AGBL1: variants seen among roughly 807,000 people sequenced by gnomAD.
AGBL1 encodes the protein cytosolic carboxypeptidase 4.
A neutral mutation model predicts 118.9 loss-of-function variants in AGBL1; 130 were observed. That is an observed-to-expected ratio of 1.09 (90% CI 0.95 to 1.26). The LOEUF (loss-of-function observed/expected upper bound fraction) is 1.26. Among genes scored for constraint, AGBL1 ranks in the 50% most tolerant of loss-of-function variants. The pLI is 0.00. For missense variants in AGBL1, 1,584 were observed against 1,298.1 expected, an observed-to-expected ratio of 1.22 and a Z score of -3.38; for synonymous variants, 555 against 478.9, an observed-to-expected ratio of 1.16 and a Z score of -2.08.
chr15:86,371,465 CAT>C (rs2080969416), intron 17 of AGBL1, among the ~76,000 whole-genome samples: 2 of 152,204 alleles, frequency 1.3e-5, no homozygotes, highest in South Asian at 2.1e-4. Context: ...TCATATATAT[CAT>C]ATGTTTTTAT....
chr15:86,768,194 G>T (rs1363619639), intron 22 of AGBL1, among the ~76,000 whole-genome samples: 1 of 151,914 alleles, frequency 6.6e-6, no homozygotes, highest in Non-Finnish European at 1.5e-5. Context: ...ATTTTATTCA[G>T]TCTAACTTTA....
intron 6 of AGBL1, 118 bp downstream of exon 6, chr15:86,225,069 T>C (rs2078340431): frequency 4.0e-6 from 4 of 1,007,950 alleles, no homozygotes; most frequent in Non-Finnish European, 4.5e-6. Context: ...TATTTCTCAA[T>C]CACCTATGGC....
At chr15:86,904,464 G>C (rs1397946756) in intron 22 of AGBL1, among the ~76,000 whole-genome samples, 1 of 150,454 alleles carries the variant, frequency 6.6e-6, no homozygotes, top group African/African-American at 2.4e-5. Context: ...TTCCTTATTA[G>C]AATGCTTACA....
In AGBL1 at chr15:86,666,375, G is replaced by T. The variant is rs1286987685; in HGVS notation, c.2995-7898G>T. Among the ~76,000 whole-genome samples the T allele has an allele frequency of 2.0e-5, 3 of 152,034 alleles. No individual in the cohort carries two copies. In the East Asian group the frequency reaches 5.8e-4, roughly 29 times the overall value. On this transcript the variant is annotated intron_variant, in intron 21 of 22. Transcript: ENST00000614907. ...AAATTGATTTTTGTATATTTAATTT[G>T]TAACCTGTCTATTTACTCAATTGTT...
intron 17 of AGBL1, among the ~76,000 whole-genome samples, chr15:86,322,907 G>A (rs1056405982): frequency 2.0e-5 from 3 of 152,126 alleles, no homozygotes; most frequent in Non-Finnish European, 4.4e-5. Context: ...GTTCACTTTT[G>A]TATTACGTTT....
At chr15:86,174,062 T>C (rs970810387) in intron 5 of AGBL1, among the ~76,000 whole-genome samples, 10 of 152,118 alleles carry the variant, frequency 6.6e-5, no homozygotes, top group African/African-American at 2.4e-4. Context: ...ATTTTAACAA[T>C]ATCAATTCTT....
chr15:86,859,365 G>A (rs938712602), intron 22 of AGBL1, among the ~76,000 whole-genome samples: 21 of 152,204 alleles, frequency 1.4e-4, no homozygotes, highest in African/African-American at 5.1e-4. Flanking sequence ...GTGCTAGGGT[G>A]TAAACATGAA....
At chr15:86,401,387 CT>C (rs1360762803) in intron 18 of AGBL1, among the ~76,000 whole-genome samples, 2 of 152,120 alleles carry the variant, frequency 1.3e-5, no homozygotes, top group Non-Finnish European at 2.9e-5. Flanking sequence ...AAAGATTTTT[CT>C]CCCACTCTGT....
At chr15:86,681,288 T>A (rs2085950973) in intron 22 of AGBL1, among the ~76,000 whole-genome samples, 1 of 152,240 alleles carries the variant, frequency 6.6e-6, no homozygotes, top group South Asian at 2.1e-4. Context: ...TTGGTGACTT[T>A]ACATTTAGGT....
intron 18 of AGBL1, among the ~76,000 whole-genome samples, chr15:86,401,297 T>C (rs2081441345): frequency 6.6e-6 from 1 of 152,122 alleles, no homozygotes; most frequent in South Asian, 2.1e-4. Flanking sequence ...CAGTTTTTGA[T>C]GGGATTTTTT....
chr15:86,264,036 C>T (rs2079033044), intron 10 of AGBL1, among the ~76,000 whole-genome samples: 1 of 152,146 alleles, frequency 6.6e-6, no homozygotes, highest in Non-Finnish European at 1.5e-5. Flanking sequence ...TACTGTTTTG[C>T]ATTGGACTAG....
In AGBL1 at chr15:86,404,769, T is replaced by A. The variant is rs115133952; in HGVS notation, c.2555+7223T>A. 4.7e-3 allele frequency among the ~76,000 whole-genome samples: 709 copies of A among 152,314 alleles called. 8 individuals carry two copies. The highest frequency in any genetic ancestry group is 0.016 in the African/African-American group (672 of 41,568). The stretch of plus-strand genomic sequence containing the variant: ...GGAGATGTGATGCTGGGCCTGTAGA[T>A]CACGGCAATGAGCATACTTGCCATG... On this transcript the variant is annotated intron_variant, in intron 18 of 22. Coordinates refer to ENST00000614907, the MANE Select transcript of AGBL1 (RefSeq NM_001386094.1).
At chr15:86,689,142 A>C (rs1413366527) in intron 22 of AGBL1, among the ~76,000 whole-genome samples, 8 of 152,172 alleles carry the variant, frequency 5.3e-5, no homozygotes, top group Non-Finnish European at 7.4e-5. Context: ...CCTGAGACGC[A>C]TCAGTTCTAA....
chr15:86,125,662 A>G (rs1898380365), intron 1 of AGBL1, among the ~76,000 whole-genome samples: 1 of 152,164 alleles, frequency 6.6e-6, no homozygotes, highest in Non-Finnish European at 1.5e-5. Flanking sequence ...CTTTCAATCA[A>G]TAATTTAAAA....
At chr15:86,356,883 T>C (rs866268568) in intron 17 of AGBL1, among the ~76,000 whole-genome samples, 1 of 152,188 alleles carries the variant, frequency 6.6e-6, no homozygotes, top group Non-Finnish European at 1.5e-5. Flanking sequence ...GGTACCAGAA[T>C]TGTCCAACAT....
Position 86,557,807 on chromosome 15 carries a change from A to AAGTG in AGBL1, c.2994+3274_2994+3277dup, listed in dbSNP as rs1310417599. On this transcript the variant is annotated intron_variant, in intron 21 of 22. Transcript: ENST00000614907. The stretch of plus-strand genomic sequence containing the variant: ...GTATTAAAAATGTATGATGGCTGAC[A>AAGTG]AGTGAGTAAGTAAGTGAACAAGTAA... Among the ~76,000 whole-genome samples, 3 of 152,272 alleles carry AAGTG rather than the reference A, an allele frequency of 2.0e-5. No homozygotes were observed. In the East Asian group the frequency reaches 5.8e-4, roughly 29 times the overall value.
At chr15:86,548,658 T>C (rs973931848) in intron 20 of AGBL1, among the ~76,000 whole-genome samples, 2 of 114,678 alleles carry the variant, frequency 1.7e-5, no homozygotes, top group African/African-American at 3.3e-5. Flanking sequence ...CACACACACA[T>C]GCACGCACAC....
chr15:86,196,861 GCACATGTGCGCGCGCGCGCACACA>G lies in AGBL1; in HGVS notation c.489-28048_489-28025del, dbSNP rs1309956599. On this transcript the variant is annotated intron_variant, in intron 5 of 22. Transcript: ENST00000614907. ...CTCCTCTCCCTGCATATGCGAATGT[GCACATGTGCGCGCGCGCGCACACA>G]CACACACACACACACACACACACAC... Among the ~76,000 whole-genome samples the G allele has an allele frequency of 1.2e-3, 128 of 108,938 alleles. 2 individuals carry two copies. Among genetic ancestry groups the G allele is most frequent in the East Asian group, 4.9e-3 (15 of 3,078 alleles). 71.5% of individuals were successfully genotyped at this position (108,938 alleles called of 152,430 possible). A position where few individuals can be genotyped will look rare whatever the true frequency, so the allele number is the denominator to read the frequency against.
At chr15:86,718,228 G>A (rs1016878730) in intron 22 of AGBL1, among the ~76,000 whole-genome samples, 1 of 152,040 alleles carries the variant, frequency 6.6e-6, no homozygotes, top group African/African-American at 2.4e-5. Context: ...TTGAGTTCAT[G>A]TCTTTTGTAC....
Sources: allele counts gnomAD v4.1 joint callset (sites outside exome capture counted in the v4.1 genomes callset), GRCh38; gene constraint gnomAD v4.1.1; transcripts MANE v1.5; gene names NCBI Gene and HGNC (gene_info 2026-07-23, HGNC 2026-07-21).